PPM1B: variants seen among roughly 807,000 people sequenced by gnomAD.
The protein encoded by PPM1B is protein phosphatase 1B.
Under a neutral mutation model 43.0 loss-of-function variants are expected in PPM1B, and 22 were observed. The observed-to-expected ratio is 0.51, with a 90% CI of 0.37 to 0.73. The LOEUF (loss-of-function observed/expected upper bound fraction) is 0.73. PPM1B is among the 30% of genes least tolerant of loss of function. The probability of loss-of-function intolerance (pLI) is 0.00; values close to 1 mark genes in which losing one functional copy is unlikely to be tolerated. For missense variants in PPM1B, 632 were observed against 584.2 expected, an observed-to-expected ratio of 1.08 and a Z score of -0.84; for synonymous variants, 217 against 197.9, an observed-to-expected ratio of 1.10 and a Z score of -0.81.
At chr2:44,187,475 A>G (rs767013080) in intron 1 of PPM1B, among the ~76,000 whole-genome samples, 1 of 152,098 alleles carries the variant, frequency 6.6e-6, no homozygotes, top group Non-Finnish European at 1.5e-5. Context: ...TTTATTTATA[A>G]TTTTTTGAAG....
At chr2:44,238,845 A>G (rs999066275), downstream of PPM1B, among the ~76,000 whole-genome samples, 1 of 152,222 alleles carries the variant, frequency 6.6e-6, no homozygotes, top group African/African-American at 2.4e-5. Flanking sequence ...CTATACTCCA[A>G]GAGTTAATTA....
intron 5 of PPM1B, among the ~76,000 whole-genome samples, chr2:44,224,286 T>A (rs957613396): frequency 6.6e-6 from 1 of 151,970 alleles, no homozygotes; most frequent in South Asian, 2.1e-4. Flanking sequence ...ATACCCTGCC[T>A]CTACTAAAAA....
chr2:44,246,712 A>C (rs1043243491), downstream of PPM1B, among the ~76,000 whole-genome samples: 1 of 152,204 alleles, frequency 6.6e-6, no homozygotes, highest in Non-Finnish European at 1.5e-5. Flanking sequence ...ACTTTGACCT[A>C]TTCCTCTAGG....
chr2:44,229,853 AATTT>A (rs1286345772), intron 5 of PPM1B: 4 of 802,340 alleles, frequency 5.0e-6, no homozygotes, highest in Non-Finnish European at 7.5e-6. Context: ...GAGAATACTT[AATTT>A]ATTTTTATCT....
At chr2:44,175,016 AGGCCGAGGTGGGC>A (rs1290962817) in intron 1 of PPM1B, among the ~76,000 whole-genome samples, 1 of 152,180 alleles carries the variant, frequency 6.6e-6, no homozygotes, top group Non-Finnish European at 1.5e-5. Flanking sequence ...GCACTTTGGG[AGGCCGAGGTGGGC>A]GGATTGTCTG....
At chr2:44,173,557 G>A (rs1667448616) in intron 1 of PPM1B, among the ~76,000 whole-genome samples, 1 of 152,114 alleles carries the variant, frequency 6.6e-6, no homozygotes, top group Admixed American at 6.5e-5. Context: ...ACAGAAGAGT[G>A]CTTAAATACA....
At chr2:44,190,901 CTGT>C (rs143687365) in intron 1 of PPM1B, among the ~76,000 whole-genome samples, 490 of 152,308 alleles carry the variant, frequency 3.2e-3, no homozygotes, top group African/African-American at 0.011. Context: ...GAGACATGAA[CTGT>C]TGTTATATCA....
At chr2:44,243,471 G>A (rs551164384) in intron 5 of PPM1B, among the ~76,000 whole-genome samples, 1 of 151,980 alleles carries the variant, frequency 6.6e-6, no homozygotes, top group African/African-American at 2.4e-5. Flanking sequence ...TATATCCTAA[G>A]TAAATATTTA....
At chr2:44,233,302 ATAC>A (rs1388204342), downstream of PPM1B, 7 of 946,816 alleles carry the variant, frequency 7.4e-6, no homozygotes, top group African/African-American at 1.2e-4. Context: ...ATCTAAGGAA[ATAC>A]TACAGAGATA....
At chr2:44,231,943 C>T (rs1439675934), downstream of PPM1B, among the ~76,000 whole-genome samples, 5 of 152,056 alleles carry the variant, frequency 3.3e-5, no homozygotes, top group Non-Finnish European at 5.9e-5. Flanking sequence ...ATTAACTTTT[C>T]GTCTTTACGT....
rs138774133 is a variant in PPM1B, at chr2:44,175,459, C to T, written c.-15+6185C>T. On this transcript the variant is annotated intron_variant, in intron 1 of 5. Transcript: ENST00000282412. ...GCCAATTCTTATGTTCACTGAGTGC[C>T]TTCTGTGTGCAAAGGCCCCCATTTC... 2.0e-4 allele frequency among the ~76,000 whole-genome samples: 31 copies of T among 152,246 alleles called. No homozygotes were observed. In the South Asian group the frequency reaches 3.1e-3, roughly 15 times the overall value.
At chr2:44,198,321 C>T (rs1268178728) in intron 1 of PPM1B, among the ~76,000 whole-genome samples, 3 of 151,982 alleles carry the variant, frequency 2.0e-5, no homozygotes, top group African/African-American at 7.3e-5. Context: ...CCACCATGCC[C>T]GGCCAATTTT....
At chr2:44,211,135 C>CG (rs1018226912) in intron 3 of PPM1B, among the ~76,000 whole-genome samples, 25 of 151,652 alleles carry the variant, frequency 1.6e-4, no homozygotes, top group Middle Eastern at 3.2e-3. Context: ...GACTCCATCT[C>CG]GGGAAAAAAA....
At position 44,205,620 on chromosome 2, in the gene PPM1B, C is replaced by CT. The variant is rs201305503; in HGVS notation, c.846+3582dup. Among the ~76,000 whole-genome samples the CT allele has an allele frequency of 3.6e-3, 543 of 151,830 alleles. 3 individuals carry two copies. The highest frequency in any genetic ancestry group is 0.012 in the African/African-American group (505 of 41,434). On this transcript the variant is annotated intron_variant, in intron 2 of 5. Coordinates refer to ENST00000282412, the MANE Select transcript of PPM1B (RefSeq NM_002706.6). ...GTATAAACGTAAAATAGGATTTTTT[C>CT]TTTTTTTGTATTTTATAGAAAAAGA...
chr2:44,169,109 C>T lies in PPM1B; in HGVS notation c.-180C>T. 5.6e-6 allele frequency: 1 copy of T among 179,308 alleles called. No homozygotes were observed. The highest frequency in any genetic ancestry group is 1.2e-5 in the Non-Finnish European group (1 of 86,300). 11.1% of individuals were successfully genotyped at this position (179,308 alleles called of 1,614,324 possible). A position where few individuals can be genotyped will look rare whatever the true frequency, so the allele number is the denominator to read the frequency against. Reference sequence around the variant, plus strand: ...GAGAAGGCGGCATCGGCGGCGGCGGCGGCGTGAGGGGCCGGGCGGTGTAAA... The same window carrying T: ...GAGAAGGCGGCATCGGCGGCGGCGGTGGCGTGAGGGGCCGGGCGGTGTAAA... On this transcript the variant is annotated 5_prime_UTR_variant, in exon 1 of 6. Transcript: ENST00000282412.
chr2:44,226,280 T>C (rs1327843408), intron 5 of PPM1B, among the ~76,000 whole-genome samples: 1 of 151,948 alleles, frequency 6.6e-6, no homozygotes, highest in African/African-American at 2.4e-5. Context: ...CGACCTAGTA[T>C]ATCTTTTAAA....
intron 2 of PPM1B, among the ~76,000 whole-genome samples, chr2:44,207,912 A>G (rs528387263): frequency 3.7e-4 from 45 of 120,406 alleles, no homozygotes; most frequent in Admixed American, 5.1e-4. Flanking sequence ...TTTTTTGGAG[A>G]CAGTCTCACT....
At chr2:44,229,871 G>T in intron 5 of PPM1B, 1 of 846,450 alleles carries the variant, frequency 1.2e-6, no homozygotes. Flanking sequence ...TTTATCTAGA[G>T]ATGTTTTTAT....
intron 5 of PPM1B, among the ~76,000 whole-genome samples, chr2:44,226,298 T>A (rs1670206574): frequency 6.6e-6 from 1 of 152,048 alleles, no homozygotes; most frequent in African/African-American, 2.4e-5. Flanking sequence ...AAAAAGCAAC[T>A]TCTCTTCCCC....
Sources: allele counts gnomAD v4.1 joint callset (sites outside exome capture counted in the v4.1 genomes callset), GRCh38; gene constraint gnomAD v4.1.1; transcripts MANE v1.5; gene names NCBI Gene and HGNC (gene_info 2026-07-23, HGNC 2026-07-21).